The following PDE7A variants were observed in gnomAD, a reference collection of about 807,000 sequenced individuals.
PDE7A encodes phosphodiesterase 7A.
In PDE7A, 39 loss-of-function variants were observed where a neutral mutation model predicts 64.3. The observed-to-expected ratio is 0.61, with a 90% CI of 0.47 to 0.79. The LOEUF (loss-of-function observed/expected upper bound fraction) is 0.79, where lower values mean the gene tolerates loss of function less well. PDE7A is among the 30% of genes least tolerant of loss of function. The probability of loss-of-function intolerance (pLI) is 0.00; values close to 1 mark genes in which losing one functional copy is unlikely to be tolerated. For missense variants in PDE7A, 470 were observed against 582.8 expected, an observed-to-expected ratio of 0.81 and a Z score of 1.99; for synonymous variants, 203 against 206.8, an observed-to-expected ratio of 0.98 and a Z score of 0.16.
chr8:65,805,800 T>G (rs776309086), intron 1 of PDE7A, among the ~76,000 whole-genome samples: 2 of 152,216 alleles, frequency 1.3e-5, no homozygotes, highest in African/African-American at 4.8e-5. Context: ...ACTGGATATG[T>G]TAGCCGCCTT....
At chr8:65,755,701 C>T (rs532133515) in intron 3 of PDE7A, among the ~76,000 whole-genome samples, 1 of 152,270 alleles carries the variant, frequency 6.6e-6, no homozygotes, top group South Asian at 2.1e-4. Context: ...TGTGTAGTAA[C>T]CTTTACCAGT....
At chr8:65,779,920 A>G in intron 2 of PDE7A, 117 bp from the exon 3 acceptor site, 4 of 537,736 alleles carry the variant, frequency 7.4e-6, no homozygotes, top group Non-Finnish European at 9.8e-6. Context: ...CACTGATCAT[A>G]TATGTGGAAC....
chr8:65,734,000 C>T (rs1379724318), intron 7 of PDE7A, among the ~76,000 whole-genome samples: 1 of 152,178 alleles, frequency 6.6e-6, no homozygotes, highest in Non-Finnish European at 1.5e-5. Context: ...TTAACACCTG[C>T]AGACAATGAT....
At chr8:65,725,743 A>G (rs1332832918) in intron 9 of PDE7A, 3 of 152,196 alleles carry the variant, frequency 2.0e-5, no homozygotes, top group Non-Finnish European at 4.4e-5. Context: ...TAATGCTATT[A>G]GGTAGTATTC....
At chr8:65,820,115 G>A (rs1810506083) in intron 1 of PDE7A, among the ~76,000 whole-genome samples, 1 of 152,198 alleles carries the variant, frequency 6.6e-6, no homozygotes. Flanking sequence ...GTATTACATG[G>A]CCAGGTGTGA....
In PDE7A at chr8:65,715,719, C is replaced by T. The variant is rs2129061836; in HGVS notation, c.*3571G>A. 6.8e-6 allele frequency among the ~76,000 whole-genome samples: 1 copy of T among 146,294 alleles called. No homozygotes were observed. Among genetic ancestry groups the T allele is most frequent in the East Asian group, 2.2e-4 (1 of 4,540 alleles). On this transcript the variant is annotated 3_prime_UTR_variant, in exon 13 of 13. Transcript: ENST00000401827. ...AAAATTAGCTGGCCGGGCACGGTGG[C>T]TCACGCCTGTAATCCCAGCACTATG...
intron 12 of PDE7A, chr8:65,723,325 C>G (rs1806468201): frequency 9.3e-6 from 3 of 321,470 alleles, no homozygotes; most frequent in Non-Finnish European, 1.6e-5. Flanking sequence ...CAAGTTATTG[C>G]TGCTGCCTGT....
chr8:65,797,366 G>A (rs1486705435), intron 1 of PDE7A, among the ~76,000 whole-genome samples: 2 of 152,186 alleles, frequency 1.3e-5, no homozygotes, highest in Non-Finnish European at 2.9e-5. Flanking sequence ...AAATGCACAG[G>A]GGAGAAGCCC....
At chr8:65,752,809 C>T (rs1808029685) in intron 3 of PDE7A, among the ~76,000 whole-genome samples, 1 of 152,102 alleles carries the variant, frequency 6.6e-6, no homozygotes, top group African/African-American at 2.4e-5. Flanking sequence ...TATGTGTTTT[C>T]TATCTCACTT....
intron 1 of PDE7A, among the ~76,000 whole-genome samples, chr8:65,805,115 A>AT (rs1389838547): frequency 3.3e-5 from 5 of 152,180 alleles, no homozygotes; most frequent in Non-Finnish European, 1.5e-5. Context: ...AAGTGTTGGG[A>AT]TTACAGGTAT....
At chr8:65,795,342 G>C (rs1809810795) in intron 1 of PDE7A, among the ~76,000 whole-genome samples, 2 of 152,188 alleles carry the variant, frequency 1.3e-5, no homozygotes, top group Non-Finnish European at 1.5e-5. Context: ...AGGACACAGA[G>C]ACTGCAGCTC....
At chr8:65,728,902 A>C (rs1456800423) in intron 7 of PDE7A, among the ~76,000 whole-genome samples, 1 of 152,252 alleles carries the variant, frequency 6.6e-6, no homozygotes, top group East Asian at 1.9e-4. Flanking sequence ...CATGACAATA[A>C]GCAACTGAAT....
At chr8:65,801,714 T>C (rs1298194482) in intron 1 of PDE7A, among the ~76,000 whole-genome samples, 1 of 152,178 alleles carries the variant, frequency 6.6e-6, no homozygotes, top group Non-Finnish European at 1.5e-5. Context: ...ATGATACAAA[T>C]TTATGCAGGC....
chr8:65,726,987 G>A, intron 8 of PDE7A, 21 bp from the exon 9 acceptor site: 1 of 1,351,194 alleles, frequency 7.4e-7, no homozygotes, highest in Non-Finnish European at 1.1e-6. Flanking sequence ...GGACGTTTCT[G>A]AGTTACTTAA....
chr8:65,721,364 G>A (rs927360217), intron 12 of PDE7A, among the ~76,000 whole-genome samples: 3 of 152,240 alleles, frequency 2.0e-5, no homozygotes, highest in Non-Finnish European at 4.4e-5. Context: ...TTGGGGAGTA[G>A]TAATCACTGC....
chr8:65,774,210 C>T (rs1319096472), intron 3 of PDE7A, among the ~76,000 whole-genome samples: 1 of 152,190 alleles, frequency 6.6e-6, no homozygotes, highest in East Asian at 1.9e-4. Context: ...GCTTCCTTTT[C>T]TAAAACAACC....
At chr8:65,840,033 C>G (rs898890415) in intron 1 of PDE7A, among the ~76,000 whole-genome samples, 1 of 152,112 alleles carries the variant, frequency 6.6e-6, no homozygotes, top group Non-Finnish European at 1.5e-5. Flanking sequence ...AAACCTTTAA[C>G]TACTACTATT....
At chr8:65,783,803 T>C (rs1446535657) in intron 1 of PDE7A, among the ~76,000 whole-genome samples, 2 of 152,168 alleles carry the variant, frequency 1.3e-5, no homozygotes, top group Admixed American at 6.5e-5. Flanking sequence ...TAATAATAAC[T>C]GATAAATAAA....
At chr8:65,767,602 C>T (rs1402921497) in intron 3 of PDE7A, among the ~76,000 whole-genome samples, 1 of 152,150 alleles carries the variant, frequency 6.6e-6, no homozygotes, top group Non-Finnish European at 1.5e-5. Context: ...GAGGGTCTTG[C>T]CCCATACCCT....
Sources: gnomAD v4.1 joint callset for allele counts (sites outside exome capture counted in the v4.1 genomes callset) on GRCh38, gnomAD v4.1.1 for gene constraint, MANE v1.5 for transcripts, NCBI Gene and HGNC (gene_info 2026-07-23, HGNC 2026-07-21) for gene names.